Variants in C2orf78 observed in about 807,000 individuals in gnomAD.
The protein encoded by C2orf78 is uncharacterized protein C2orf78.
Under a neutral mutation model 21.4 loss-of-function variants are expected in C2orf78, and 12 were observed. That is an observed-to-expected ratio of 0.56 (90% CI 0.36 to 0.91). The LOEUF (loss-of-function observed/expected upper bound fraction) is 0.91. Among genes scored for constraint, C2orf78 ranks in the 40% least tolerant of loss-of-function variants. C2orf78 has a pLI of 0.01. For synonymous variants in C2orf78, 396 were observed against 413.9 expected (o/e 0.96, Z 0.52); for missense variants, 1,042 against 1,092.4 (o/e 0.95, Z 0.65).
intron 2 of C2orf78, among the ~76,000 whole-genome samples, chr2:73,814,620 A>G (rs975596926): frequency 2.0e-5 from 3 of 152,200 alleles, no homozygotes; most frequent in Admixed American, 6.5e-5. Context: ...AATAGGATTT[A>G]AGACCTTGTG....
intron 1 of C2orf78, among the ~76,000 whole-genome samples, chr2:73,798,075 C>T (rs1317935208): frequency 1.5e-5 from 1 of 68,408 alleles, no homozygotes; most frequent in African/African-American, 4.5e-5. Context: ...AGCCTTGGAC[C>T]ACATCATTTC....
At chr2:73,815,205 T>C (rs763916023) in exon 3 of C2orf78, 2 of 1,613,938 alleles carry the variant, frequency 1.2e-6, no homozygotes, top group East Asian at 2.2e-5. Flanking sequence ...GAGTAACCCA[T>C]CACCTGAGCT....
intron 2 of C2orf78, among the ~76,000 whole-genome samples, chr2:73,814,760 G>C (rs113619654): frequency 6.6e-6 from 1 of 152,156 alleles, no homozygotes; most frequent in East Asian, 1.9e-4. Flanking sequence ...CAGGAGAGTG[G>C]AGAGAATTGA....
At chr2:73,814,121 A>G (rs1324026131) in exon 2 of C2orf78, 2 of 1,612,708 alleles carry the variant, frequency 1.2e-6, no homozygotes, top group South Asian at 2.2e-5. Flanking sequence ...AGAAATGGTG[A>G]TGGTGCTGAA....
intron 1 of C2orf78, among the ~76,000 whole-genome samples, chr2:73,810,969 C>CATATATATATATATATATATATATAT (rs35395110): frequency 2.9e-5 from 4 of 136,122 alleles, no homozygotes; most frequent in African/African-American, 1.1e-4. Context: ...ATGTATATTT[C>CATATATATATATATATATATATATAT]ATATATATAT....
At chr2:73,806,922 CA>C (rs1333943075) in intron 1 of C2orf78, among the ~76,000 whole-genome samples, 5 of 135,280 alleles carry the variant, frequency 3.7e-5, no homozygotes, top group Non-Finnish European at 6.1e-5. Context: ...CGCAGTGGCA[CA>C]CGCCTGTAAT....
Position 73,810,848 on chromosome 2 carries a change from GTATAT to G in C2orf78, c.98-2623_98-2619del, listed in dbSNP as rs569687177. On this transcript the variant is annotated intron_variant, in intron 1 of 2. Transcript: ENST00000409561. ...TACATGTATGTTATATATATTACAT[GTATAT>G]TATATATAATATACATATAAATTTT... 2.9e-3 allele frequency among the ~76,000 whole-genome samples: 374 copies of G among 130,290 alleles called. 4 individuals carry two copies. Among genetic ancestry groups the G allele is most frequent in the African/African-American group, 0.01 (355 of 34,192 alleles). The allele number at this position is 130,290 out of a possible 152,430, so 85.5% of individuals were successfully genotyped here. A position where few individuals can be genotyped will look rare whatever the true frequency, so the allele number is the denominator to read the frequency against.
intron 1 of C2orf78, 60 bp from the exon 2 acceptor site, chr2:73,813,417 C>T: frequency 6.9e-7 from 1 of 1,452,596 alleles, no homozygotes; most frequent in Non-Finnish European, 9.1e-7. Flanking sequence ...GCTAGTCTTC[C>T]AATAAGGTGA....
chr2:73,811,925 C>T (rs1673097946), intron 1 of C2orf78, among the ~76,000 whole-genome samples: 1 of 152,030 alleles, frequency 6.6e-6, no homozygotes. Flanking sequence ...ATAATAATTC[C>T]TTTACACTTA....
exon 3 of C2orf78, chr2:73,815,123 C>A (rs749686355): frequency 2.5e-6 from 4 of 1,613,876 alleles, no homozygotes; most frequent in South Asian, 2.2e-5. Flanking sequence ...AATCTCCAAG[C>A]CAGACATTTT....
At chr2:73,809,009 T>C (rs1302858922) in intron 1 of C2orf78, 2 of 579,332 alleles carry the variant, frequency 3.5e-6, no homozygotes, top group African/African-American at 1.9e-5. Context: ...AGGGAAAGTA[T>C]TGAAGTAGAA....
chr2:73,785,328 GTAT>G (rs1249084613), intron 1 of C2orf78, among the ~76,000 whole-genome samples: 2 of 129,360 alleles, frequency 1.5e-5, no homozygotes, highest in Non-Finnish European at 3.2e-5. Flanking sequence ...AAGAAAAGTA[GTAT>G]TCACGTTTTG....
At chr2:73,811,985 T>C (rs1045063989) in intron 1 of C2orf78, among the ~76,000 whole-genome samples, 7 of 152,226 alleles carry the variant, frequency 4.6e-5, no homozygotes, top group Admixed American at 3.9e-4. Context: ...TCTATCCACA[T>C]ATATTATGGC....
chr2:73,813,162 T>C (rs1024549806), intron 1 of C2orf78, among the ~76,000 whole-genome samples: 2 of 152,170 alleles, frequency 1.3e-5, no homozygotes, highest in Non-Finnish European at 2.9e-5. Flanking sequence ...TAGTTATGAG[T>C]CTATACTAGC....
chr2:73,813,802 A>T, exon 2 of C2orf78: 1 of 1,613,848 alleles, frequency 6.2e-7, no homozygotes, highest in Non-Finnish European at 8.5e-7. Context: ...AGTCATCCTC[A>T]CTCAGGGACT....
chr2:73,815,942 C>T (rs755984913), exon 3 of C2orf78: 3 of 1,613,736 alleles, frequency 1.9e-6, no homozygotes. Flanking sequence ...AGGAAAAGAC[C>T]AAAGGGAACA....
At chr2:73,811,669 A>G (rs555663202) in intron 1 of C2orf78, among the ~76,000 whole-genome samples, 1 of 152,230 alleles carries the variant, frequency 6.6e-6, no homozygotes, top group East Asian at 1.9e-4. Context: ...AGTCCTTTGA[A>G]CTTTCCTACA....
intron 2 of C2orf78, among the ~76,000 whole-genome samples, chr2:73,814,630 G>A (rs1673156671): frequency 6.6e-6 from 1 of 152,134 alleles, no homozygotes; most frequent in African/African-American, 2.4e-5. Context: ...AAGACCTTGT[G>A]TTCAGAGATC....
rs552265347 is a variant in C2orf78, at chr2:73,814,655, C to G, written c.848-416C>G. Among the ~76,000 whole-genome samples the G allele has an allele frequency of 8.5e-5, 13 of 152,328 alleles. No individual in the cohort carries two copies. In the South Asian group the frequency reaches 2.3e-3, roughly 27 times the overall value. ...GTTCAGAGATCCTCTCCAAAACAAA[C>G]AGGCTCAGAATCTGTGCTTGCTTAT... is the stretch of plus-strand genomic sequence containing the variant. On this transcript the variant is annotated intron_variant, in intron 2 of 2. Coordinates refer to ENST00000409561, the Ensembl canonical transcript of C2orf78.
Sources: gnomAD v4.1 joint callset for allele counts (sites outside exome capture counted in the v4.1 genomes callset) on GRCh38, gnomAD v4.1.1 for gene constraint, MANE v1.5 for transcripts, NCBI Gene and HGNC (gene_info 2026-07-23, HGNC 2026-07-21) for gene names.